Variants in DCDC1 observed in about 807,000 individuals in gnomAD.
DCDC1 encodes the protein doublecortin domain containing 1.
DCDC1 carries 200 observed loss-of-function variants against 178.3 expected under a neutral mutation model. The observed-to-expected ratio is 1.12, with a 90% CI of 1.00 to 1.26. The LOEUF is 1.26. DCDC1 is among the 50% of genes most tolerant of loss of function. The pLI is 0.00. For synonymous variants in DCDC1, 690 were observed against 604.8 expected, an observed-to-expected ratio of 1.14 and a Z score of -2.07; for missense variants, 1,983 against 1,749.2, an observed-to-expected ratio of 1.13 and a Z score of -2.38.
At chr11:31,207,610 A>T (rs749153694) in intron 9 of DCDC1, among the ~76,000 whole-genome samples, 1 of 152,184 alleles carries the variant, frequency 6.6e-6, no homozygotes, top group African/African-American at 2.4e-5. Flanking sequence ...ATCTTTTGCA[A>T]TATCAGTTGT....
At chr11:31,329,204 C>T (rs1266135450) in intron 2 of DCDC1, among the ~76,000 whole-genome samples, 2 of 151,758 alleles carry the variant, frequency 1.3e-5, no homozygotes, top group Admixed American at 6.6e-5. Flanking sequence ...GCAAACCTTC[C>T]CCATTGAGAT....
At chr11:31,045,377 T>C (rs1390687757) in intron 20 of DCDC1, among the ~76,000 whole-genome samples, 1 of 151,564 alleles carries the variant, frequency 6.6e-6, no homozygotes. Context: ...TTTGACCCCA[T>C]TTTTTCTTTT....
chr11:31,191,586 G>A (rs1264213008), intron 9 of DCDC1, among the ~76,000 whole-genome samples: 2 of 152,170 alleles, frequency 1.3e-5, no homozygotes, highest in South Asian at 2.1e-4. Context: ...ATAGACTATA[G>A]GTGTTAATCA....
chr11:30,964,941 T>C (rs1173087032), intron 20 of DCDC1, among the ~76,000 whole-genome samples: 1 of 152,062 alleles, frequency 6.6e-6, no homozygotes, highest in Non-Finnish European at 1.5e-5. Context: ...TAGATCCAAA[T>C]GGCTTGTTGA....
chr11:31,216,033 C>A (rs1020736020), intron 9 of DCDC1, among the ~76,000 whole-genome samples: 4 of 152,056 alleles, frequency 2.6e-5, no homozygotes, highest in Non-Finnish European at 5.9e-5. Flanking sequence ...CCCTTTAGAG[C>A]AATTAGAGCT....
At chr11:31,157,133 C>T (rs1052602163) in intron 9 of DCDC1, among the ~76,000 whole-genome samples, 2 of 151,598 alleles carry the variant, frequency 1.3e-5, no homozygotes, top group African/African-American at 4.8e-5. Context: ...AATCCTGGCA[C>T]TTTGGGAGGC....
chr11:31,123,905 A>T (rs1445570074), intron 11 of DCDC1, among the ~76,000 whole-genome samples: 20 of 152,244 alleles, frequency 1.3e-4, no homozygotes, highest in African/African-American at 4.8e-4. Context: ...ATTAATTAAA[A>T]TTAAAATTTA....
rs1331748900 is a variant in DCDC1 at position 30,918,672 on chromosome 11, T to C, written c.3294-1644A>G. Among the ~76,000 whole-genome samples, 12 of 152,238 alleles carry C rather than the reference T, an allele frequency of 7.9e-5. No homozygotes were observed. In the East Asian group the frequency reaches 2.1e-3, roughly 27 times the overall value. ...GAGAAAAGAACAAATGAAAAGGCTATGAAGCAAGATTATGGTTAGCCCACT... is the reference window on the plus strand; with the variant it reads ...GAGAAAAGAACAAATGAAAAGGCTACGAAGCAAGATTATGGTTAGCCCACT... On this transcript the variant is annotated intron_variant, in intron 25 of 38. Coordinates refer to ENST00000684477, the MANE Select transcript of DCDC1 (RefSeq NM_001387274.1).
chr11:31,186,252 C>G (rs1302246085), intron 9 of DCDC1, among the ~76,000 whole-genome samples: 1 of 152,172 alleles, frequency 6.6e-6, no homozygotes. Flanking sequence ...CCATACTCTC[C>G]TTGTTCCTCC....
At chr11:31,086,579 T>G (rs185982850) in intron 17 of DCDC1, among the ~76,000 whole-genome samples, 15 of 152,314 alleles carry the variant, frequency 9.8e-5, no homozygotes, top group African/African-American at 3.6e-4. Context: ...ATTTTTATTT[T>G]TGTGGATCAT....
intron 2 of DCDC1, among the ~76,000 whole-genome samples, chr11:31,334,546 G>C (rs1218562187): frequency 6.6e-6 from 1 of 152,156 alleles, no homozygotes; most frequent in East Asian, 1.9e-4. Flanking sequence ...TGATGTTGGT[G>C]ACCTACAGAT....
At chr11:31,225,089 T>A (rs1365953164) in intron 9 of DCDC1, among the ~76,000 whole-genome samples, 1 of 151,994 alleles carries the variant, frequency 6.6e-6, no homozygotes, top group Non-Finnish European at 1.5e-5. Context: ...AAGTCACAAT[T>A]GCAAAAATAT....
chr11:31,007,022 A>T (rs532746046), intron 20 of DCDC1, among the ~76,000 whole-genome samples: 26 of 152,172 alleles, frequency 1.7e-4, no homozygotes, highest in Admixed American at 3.3e-4. Context: ...CTTCATTCTC[A>T]TGCCTGCCAT....
At chr11:30,872,065 A>G (rs2133926239) in intron 38 of DCDC1, among the ~76,000 whole-genome samples, 1 of 151,804 alleles carries the variant, frequency 6.6e-6, no homozygotes, top group African/African-American at 2.4e-5. Context: ...TATATATATA[A>G]TCTCCCAACT....
At chr11:31,014,205 T>C (rs1216737140) in intron 20 of DCDC1, among the ~76,000 whole-genome samples, 2 of 149,564 alleles carry the variant, frequency 1.3e-5, no homozygotes, top group African/African-American at 5.1e-5. Context: ...CACTCTCTCT[T>C]TCTCTCTCTC....
intron 3 of DCDC1, among the ~76,000 whole-genome samples, chr11:31,327,053 T>C (rs1949684186): frequency 6.6e-6 from 1 of 152,238 alleles, no homozygotes; most frequent in Non-Finnish European, 1.5e-5. Flanking sequence ...TCTTTATTAC[T>C]ACTTACTAGT....
intron 20 of DCDC1, among the ~76,000 whole-genome samples, chr11:31,039,040 A>C (rs547947747): frequency 5.9e-5 from 9 of 152,306 alleles, no homozygotes; most frequent in Non-Finnish European, 1.2e-4. Context: ...GTTGATATCT[A>C]ATCAAGTGTT....
intron 9 of DCDC1, among the ~76,000 whole-genome samples, chr11:31,237,570 C>A (rs1443897234): frequency 6.6e-6 from 1 of 151,646 alleles, no homozygotes; most frequent in Non-Finnish European, 1.5e-5. Flanking sequence ...ATTATATAAA[C>A]CTCAACAAAC....
intron 34 of DCDC1, among the ~76,000 whole-genome samples, 189 bp from the exon 35 acceptor site, chr11:30,894,573 G>A (rs1944053268): frequency 6.6e-6 from 1 of 152,146 alleles, no homozygotes; most frequent in Admixed American, 6.5e-5. Flanking sequence ...GGGAGCTTCA[G>A]GCTTTAAATA....
Sources: allele counts gnomAD v4.1 joint callset (sites outside exome capture counted in the v4.1 genomes callset), GRCh38; gene constraint gnomAD v4.1.1; transcripts MANE v1.5; gene names NCBI Gene and HGNC (gene_info 2026-07-23, HGNC 2026-07-21).